Variants in GAN observed in about 807,000 individuals in gnomAD.
The protein encoded by GAN is gigaxonin, also known as epididymis secretory sperm binding protein.
Under a neutral mutation model 71.3 loss-of-function variants are expected in GAN, and 48 were observed. The observed-to-expected ratio is 0.67, with a 90% confidence interval of 0.53 to 0.86. The LOEUF (loss-of-function observed/expected upper bound fraction) is 0.86. GAN is among the 40% of genes least tolerant of loss of function. The pLI, the probability that GAN is intolerant of heterozygous loss-of-function variation, is 0.00. For missense variants in GAN, 928 were observed against 770.1 expected (o/e 1.21, Z -2.43); for synonymous variants, 386 against 276.8 (o/e 1.39, Z -3.92).
At chr16:81,353,176 G>A (rs376748303) in intron 2 of GAN, among the ~76,000 whole-genome samples, 3,283 of 150,836 alleles carry the variant, frequency 0.022, 45 homozygotes, top group East Asian at 0.07. Context: ...CTGTAGTCCC[G>A]GCTACTCGGG....
chr16:81,358,024 C>T (rs1313524445), intron 5 of GAN, 93 bp downstream of exon 5: 1 of 1,076,526 alleles, frequency 9.3e-7, no homozygotes, highest in African/African-American at 1.6e-5. Context: ...TTTAAAGATA[C>T]AATTTTATTA....
rs1159164145 is a variant in GAN, at chr16:81,380,076, G to T, written c.*2480G>T. ...TATATAAATATTAAAATATTGTGTT[G>T]AAGTATAGGGATGTATTTAATTTTA... On this transcript the variant is annotated 3_prime_UTR_variant, in exon 11 of 11. Transcript: ENST00000648994. 1 of 152,516 alleles carries T rather than the reference G, an allele frequency of 6.6e-6. No homozygotes were observed. Among genetic ancestry groups the T allele is most frequent in the African/African-American group, 2.4e-5 (1 of 41,410 alleles). The allele number at this position is 152,516 out of a possible 1,614,324, so 9.4% of individuals were successfully genotyped here.
Position 81,384,964 on chromosome 16 carries a change from T to G in GAN, c.*7368T>G, listed in dbSNP as rs1555513246. On this transcript the variant is annotated 3_prime_UTR_variant, in exon 11 of 11. Transcript: ENST00000648994. ...CAGGGCACAGTTGTACACATTCTAC[T>G]TAAATGGAGGAGTTCAGTGATGCCG... The G allele has an allele frequency of 6.5e-6, 1 of 154,326 alleles. No individual in the cohort carries two copies. Among genetic ancestry groups the G allele is most frequent in the Non-Finnish European group, 1.5e-5 (1 of 68,210 alleles). The allele number at this position is 154,326 out of a possible 1,614,324, so 9.6% of individuals were successfully genotyped here. A position where few individuals can be genotyped will look rare whatever the true frequency, so the allele number is the denominator to read the frequency against.
chr16:81,349,217 C>A (rs1910219344), intron 1 of GAN, among the ~76,000 whole-genome samples: 2 of 152,092 alleles, frequency 1.3e-5, no homozygotes, highest in African/African-American at 4.8e-5. Context: ...CCTCACCTAC[C>A]CTGTACTACC....
chr16:81,332,288 A>G (rs1909608019), intron 1 of GAN, among the ~76,000 whole-genome samples: 2 of 152,228 alleles, frequency 1.3e-5, no homozygotes. Context: ...GCAAGCTACC[A>G]GGTCAGACTG....
Position 81,356,827 on chromosome 16 carries a change from T to C in GAN, c.676T>C (p.Leu226=). 6.2e-7 allele frequency: 1 copy of C among 1,613,840 alleles called. No homozygotes were observed. Among genetic ancestry groups the C allele is most frequent in the African/African-American group, 1.3e-5 (1 of 75,036 alleles). Residue 226 remains leucine, a synonymous_variant, in exon 4 of 11, where the codon TTG becomes CTG. Transcript: ENST00000648994. ...TATGTCAGCTCTGTGGGTTTCAGGGTTGGACTCCAGTTATTTACGGGAACA... is the reference window on the plus strand; with the variant it reads ...TATGTCAGCTCTGTGGGTTTCAGGGCTGGACTCCAGTTATTTACGGGAACA... ...DVMSALWVSG[L]DSSYLREQML...
At chr16:81,371,158 C>G (rs1478985740) in intron 9 of GAN, among the ~76,000 whole-genome samples, 1 of 152,048 alleles carries the variant, frequency 6.6e-6, no homozygotes, top group Non-Finnish European at 1.5e-5. Context: ...TGTTTGTGTA[C>G]TTTGTTTTTA....
At chr16:81,315,928 T>A (rs954923634) in intron 1 of GAN, among the ~76,000 whole-genome samples, 13 of 152,366 alleles carry the variant, frequency 8.5e-5, no homozygotes, top group Middle Eastern at 3.4e-3. Flanking sequence ...TCCGCTCCAT[T>A]CTGGTAACTG....
Position 81,390,401 on chromosome 16 carries a change from G to A in GAN, c.*12805G>A, listed in dbSNP as rs1904527058. 1.3e-5 allele frequency: 2 copies of A among 152,168 alleles called. No individual in the cohort carries two copies. The highest frequency in any genetic ancestry group is 2.9e-5 in the Non-Finnish European group (2 of 68,036). 9.4% of individuals were successfully genotyped at this position (152,168 alleles called of 1,614,324 possible). ...TTAATAACCTTTCTTTTTAAAAGTTGCTTTATGGTTTACAAGTAATACTGA... is the reference window on the plus strand; with the variant it reads ...TTAATAACCTTTCTTTTTAAAAGTTACTTTATGGTTTACAAGTAATACTGA... On this transcript the variant is annotated 3_prime_UTR_variant, in exon 11 of 11. Coordinates refer to ENST00000648994, the MANE Select transcript of GAN (RefSeq NM_022041.4).
chr16:81,334,231 C>T (rs1210998577), intron 1 of GAN, among the ~76,000 whole-genome samples: 2 of 152,180 alleles, frequency 1.3e-5, no homozygotes, highest in East Asian at 1.9e-4. Context: ...GAAAAGGTTT[C>T]TGTGGATCTG....
intron 1 of GAN, among the ~76,000 whole-genome samples, chr16:81,323,605 T>G (rs16955014): frequency 3.3e-5 from 5 of 152,202 alleles, no homozygotes; most frequent in African/African-American, 9.7e-5. Context: ...TTCACAGATA[T>G]ATTTCACAGT....
chr16:81,387,621 G>A lies in GAN; in HGVS notation c.*10025G>A, dbSNP rs1904441333. The A allele has an allele frequency of 1.3e-5, 2 of 152,340 alleles. No individual in the cohort carries two copies. Among genetic ancestry groups the A allele is most frequent in the East Asian group, 3.9e-4 (2 of 5,188 alleles). The allele number at this position is 152,340 out of a possible 1,614,324, so 9.4% of individuals were successfully genotyped here. On this transcript the variant is annotated 3_prime_UTR_variant, in exon 11 of 11. Transcript: ENST00000648994. ...ACTTGAGGTCAGGAGTTCAAGACTA[G>A]CCTGGCCAACATGGTGAAACCCCGT... is the stretch of plus-strand genomic sequence containing the variant.
chr16:81,363,816 T>C lies in GAN; in HGVS notation c.1109T>C (p.Val370Ala). Residue 370 changes from valine to alanine, a missense_variant, in exon 7 of 11, where the codon GTG (valine) becomes GCG (alanine). Transcript: ENST00000648994. ...CAGGCAAGACATAACTTCGGAATTGTGGAGATAGATGGGATGCTGTACATT... is the reference window on the plus strand; with the variant it reads ...CAGGCAAGACATAACTTCGGAATTGCGGAGATAGATGGGATGCTGTACATT... ...MNEARHNFGI[V>A]EIDGMLYILG... is the part of the protein sequence containing the mutation. 1 of 1,613,468 alleles carries C rather than the reference T, an allele frequency of 6.2e-7. No homozygotes were observed. Among genetic ancestry groups the C allele is most frequent in the Non-Finnish European group, 8.5e-7 (1 of 1,179,428 alleles).
rs1308025098 is a variant in GAN, at chr16:81,390,265, A to C, written c.*12669A>C. 6.6e-6 allele frequency: 1 copy of C among 152,234 alleles called. No homozygotes were observed. The allele number at this position is 152,234 out of a possible 1,614,324, so 9.4% of individuals were successfully genotyped here. On this transcript the variant is annotated 3_prime_UTR_variant, in exon 11 of 11. Coordinates refer to ENST00000648994, the MANE Select transcript of GAN (RefSeq NM_022041.4). Reference sequence around the variant, plus strand: ...AGAGAAGTCGTGCTAAGTTGATTTCATTGAAATGTCACGTCTCACATCCTG... The same window carrying C: ...AGAGAAGTCGTGCTAAGTTGATTTCCTTGAAATGTCACGTCTCACATCCTG...
intron 1 of GAN, among the ~76,000 whole-genome samples, chr16:81,334,372 G>A (rs1239231879): frequency 6.6e-6 from 1 of 152,148 alleles, no homozygotes; most frequent in East Asian, 1.9e-4. Context: ...TGTGTTGTTG[G>A]TTGGTGGGAT....
chr16:81,338,604 C>G (rs893691261), intron 1 of GAN, among the ~76,000 whole-genome samples: 1 of 152,028 alleles, frequency 6.6e-6, no homozygotes, highest in Admixed American at 6.5e-5. Flanking sequence ...GAAAGAAATG[C>G]AAAACAGAAT....
intron 2 of GAN, among the ~76,000 whole-genome samples, chr16:81,353,872 T>A (rs1306719676): frequency 1.3e-5 from 2 of 152,178 alleles, no homozygotes; most frequent in Non-Finnish European, 2.9e-5. Flanking sequence ...TGTACCAAAT[T>A]GCACTGCGTA....
chr16:81,337,608 G>A (rs1231149979), intron 1 of GAN, among the ~76,000 whole-genome samples: 2 of 152,228 alleles, frequency 1.3e-5, no homozygotes, highest in African/African-American at 4.8e-5. Context: ...TACGTACCCA[G>A]TGGATGACTT....
chr16:81,323,816 C>G (rs983159572), intron 1 of GAN, among the ~76,000 whole-genome samples: 2 of 152,160 alleles, frequency 1.3e-5, no homozygotes, highest in Non-Finnish European at 2.9e-5. Context: ...CTCCAGGACT[C>G]CATCCTCTTG....
Sources: allele counts gnomAD v4.1 joint callset (sites outside exome capture counted in the v4.1 genomes callset), GRCh38; gene constraint gnomAD v4.1.1; transcripts MANE v1.5; gene names NCBI Gene and HGNC (gene_info 2026-07-23, HGNC 2026-07-21).